The following DIS3L2 variants were observed in gnomAD, a reference collection of about 807,000 sequenced individuals.
The protein encoded by DIS3L2 is DIS3-like exonuclease 2.
DIS3L2 carries 34 observed loss-of-function variants against 97.5 expected under a neutral mutation model. The observed-to-expected ratio is 0.35, with a 90% CI of 0.27 to 0.46. DIS3L2 has a LOEUF of 0.46. Among genes scored for constraint, DIS3L2 ranks in the 20% least tolerant of loss-of-function variants. DIS3L2 has a pLI of 1.00. For synonymous variants in DIS3L2, 435 were observed against 445.2 expected, an observed-to-expected ratio of 0.98 and a Z score of 0.29; for missense variants, 1,038 against 1,146.0, an observed-to-expected ratio of 0.91 and a Z score of 1.36.
intron 16 of DIS3L2, among the ~76,000 whole-genome samples, chr2:232,333,058 G>C (rs1695794353): frequency 6.6e-6 from 1 of 151,800 alleles, no homozygotes; most frequent in Admixed American, 6.6e-5. Context: ...GACAGCGTCT[G>C]CAGCCCCTGG....
intron 10 of DIS3L2, among the ~76,000 whole-genome samples, chr2:232,213,061 A>G (rs1428320803): frequency 1.3e-5 from 2 of 152,190 alleles, no homozygotes; most frequent in African/African-American, 4.8e-5. Flanking sequence ...GTGTGTATAA[A>G]CAAGCTAAAT....
intron 14 of DIS3L2, among the ~76,000 whole-genome samples, chr2:232,319,463 C>T (rs1445602530): frequency 6.6e-6 from 1 of 152,262 alleles, no homozygotes; most frequent in East Asian, 1.9e-4. Flanking sequence ...CACAGTTACT[C>T]TCCATCTTGG....
intron 6 of DIS3L2, among the ~76,000 whole-genome samples, chr2:232,123,021 G>A (rs1257282911): frequency 6.6e-6 from 1 of 152,152 alleles, no homozygotes; most frequent in African/African-American, 2.4e-5. Context: ...GAGAGCTGTT[G>A]ATCATTAGGC....
intron 9 of DIS3L2, among the ~76,000 whole-genome samples, chr2:232,177,063 T>C (rs1468238761): frequency 6.8e-6 from 1 of 147,856 alleles, no homozygotes; most frequent in Non-Finnish European, 1.5e-5. Flanking sequence ...GTGTTTGGTT[T>C]TTTGTTCTTG....
intron 1 of DIS3L2, among the ~76,000 whole-genome samples, chr2:231,999,927 T>C (rs896620122): frequency 1.3e-5 from 2 of 152,200 alleles, no homozygotes; most frequent in South Asian, 2.1e-4. Context: ...TTATGTCATA[T>C]ACTTATCATT....
At chr2:232,221,932 A>C (rs907520801) in intron 10 of DIS3L2, among the ~76,000 whole-genome samples, 1 of 151,854 alleles carries the variant, frequency 6.6e-6, no homozygotes, top group Non-Finnish European at 1.5e-5. Context: ...TTCCATGCGA[A>C]GTCATTTCAT....
chr2:232,058,648 A>T (rs948676918), intron 5 of DIS3L2, among the ~76,000 whole-genome samples: 59 of 152,200 alleles, frequency 3.9e-4, no homozygotes, highest in African/African-American at 1.4e-3. Flanking sequence ...TCCCAGACTC[A>T]TACTGCTTTA....
chr2:232,333,117 C>T (rs1695797421), intron 16 of DIS3L2, among the ~76,000 whole-genome samples: 1 of 151,546 alleles, frequency 6.6e-6, no homozygotes, highest in East Asian at 2.0e-4. Flanking sequence ...CCTCATTGTC[C>T]TCCTCGACCA....
At chr2:232,104,437 A>G (rs143531981) in intron 6 of DIS3L2, among the ~76,000 whole-genome samples, 1 of 152,178 alleles carries the variant, frequency 6.6e-6, no homozygotes, top group African/African-American at 2.4e-5. Flanking sequence ...GTAAAAAAAA[A>G]TTTGCCATTT....
At position 232,221,348 on chromosome 2, in the gene DIS3L2, T is replaced by C. The variant is rs1297105789; in HGVS notation, c.1204+10943T>C. ...TTCCAGCAGCTAACAGATTAAACTT[T>C]CCTAATTAAATGTGAGGTGCTTCCC... On this transcript the variant is annotated intron_variant, in intron 10 of 20. Coordinates refer to ENST00000325385, the MANE Select transcript of DIS3L2 (RefSeq NM_152383.5). Among the ~76,000 whole-genome samples the C allele has an allele frequency of 6.6e-5, 10 of 152,334 alleles. No homozygotes were observed. In the East Asian group the frequency reaches 1.7e-3, roughly 26 times the overall value.
At chr2:232,343,653 A>G (rs1696163929) in exon 14 of DIS3L2, 2 of 1,455,304 alleles carry the variant, frequency 1.4e-6, no homozygotes, top group Non-Finnish European at 9.4e-7. Context: ...TGAAAAGGCC[A>G]GACTTCTAAA....
intron 14 of DIS3L2, 97 bp downstream of exon 14, chr2:232,300,216 C>A: frequency 8.5e-7 from 1 of 1,181,776 alleles, no homozygotes; most frequent in South Asian, 1.3e-5. Flanking sequence ...AAGTGGTTGT[C>A]AGGAAGGGAA....
chr2:232,071,454 C>T (rs1449930589), intron 5 of DIS3L2, among the ~76,000 whole-genome samples: 2 of 150,968 alleles, frequency 1.3e-5, no homozygotes, highest in African/African-American at 4.9e-5. Context: ...CCTGGGAGGT[C>T]GAGGCTGCAG....
rs1369022933 is a variant in DIS3L2, at chr2:232,166,012, C to G, written c.1124+2380C>G. Among the ~76,000 whole-genome samples the G allele has an allele frequency of 2.0e-5, 3 of 151,614 alleles. 1 individual carries two copies. Among genetic ancestry groups the G allele is most frequent in the African/African-American group, 7.3e-5 (3 of 41,264 alleles). ...GGCTCTATCTTGCCATTTCTTTGAC[C>G]TTTATTGCCTTCTGGTTTAGACCAT... On this transcript the variant is annotated intron_variant, in intron 9 of 20. Coordinates refer to ENST00000325385, the MANE Select transcript of DIS3L2 (RefSeq NM_152383.5).
intron 5 of DIS3L2, among the ~76,000 whole-genome samples, chr2:232,048,701 A>G (rs988179017): frequency 5.3e-5 from 8 of 151,946 alleles, no homozygotes; most frequent in African/African-American, 1.7e-4. Flanking sequence ...ACTGCACTCC[A>G]GCCTGGGCGA....
intron 5 of DIS3L2, among the ~76,000 whole-genome samples, chr2:232,072,226 T>C (rs2106287889): frequency 6.6e-6 from 1 of 152,080 alleles, no homozygotes; most frequent in Middle Eastern, 3.4e-3. Flanking sequence ...TTAAATAAAA[T>C]ACTACATGTA....
rs774819151 is a variant in DIS3L2, at chr2:232,030,023, T to C, written c.309T>C (p.Asn103=). The change falls in exon 5 of 21, where the codon AAT becomes AAC. Residue 103 remains asparagine, a synonymous_variant. Coordinates refer to ENST00000325385, the MANE Select transcript of DIS3L2 (RefSeq NM_152383.5). The stretch of plus-strand genomic sequence containing the variant: ...TTATTGATGGGGTTGTTGCTCGTAA[T>C]AGAGCCTTAAATGGGGATCTGGTGG... The part of the protein sequence containing the change: ...DIFIDGVVAR[N]RALNGDLVVV... The C allele has an allele frequency of 1.5e-5, 24 of 1,610,242 alleles. No individual in the cohort carries two copies. The highest frequency in any genetic ancestry group is 2.0e-5 in the Non-Finnish European group (23 of 1,178,532).
intron 9 of DIS3L2, among the ~76,000 whole-genome samples, chr2:232,172,128 A>G (rs1691008869): frequency 6.7e-6 from 1 of 149,262 alleles, no homozygotes; most frequent in East Asian, 2.0e-4. Context: ...ACTAAATGTC[A>G]GGGTGGCAAA....
chr2:232,131,573 T>G (rs551313601), intron 7 of DIS3L2: 1 of 152,294 alleles, frequency 6.6e-6, no homozygotes, highest in African/African-American at 2.4e-5. Context: ...TGAGCCAACA[T>G]GCTCGACTAA....
Sources: allele counts gnomAD v4.1 joint callset (sites outside exome capture counted in the v4.1 genomes callset), GRCh38; gene constraint gnomAD v4.1.1; transcripts MANE v1.5; gene names NCBI Gene and HGNC (gene_info 2026-07-23, HGNC 2026-07-21).